Variants in YY1 observed in about 807,000 individuals in gnomAD.
The protein encoded by YY1 is transcriptional repressor protein YY1.
In YY1, 2 loss-of-function variants were observed where a neutral mutation model predicts 35.6. The ratio of observed to expected loss-of-function variants is 0.06; its 90% CI spans 0.02 to 0.18. YY1 has a LOEUF of 0.18. Among genes scored for constraint, YY1 ranks in the 10% least tolerant of loss-of-function variants. The pLI is 1.00. For synonymous variants in YY1, 268 were observed against 238.9 expected (o/e 1.12, Z -1.12); for missense variants, 322 against 573.4 (o/e 0.56, Z 4.48).
In YY1 at chr14:100,239,533, G is replaced by A. The variant is rs1314257490; in HGVS notation, c.289G>A (p.Val97Met). Residue 97 changes from valine (V) to methionine (M), a missense_variant, in exon 1 of 5, where the codon GTG becomes ATG. By Grantham distance (21) the Val-to-Met change is conservative. This residue lies in a region of YY1 where 137 missense variants were observed against 167.0 expected (regional missense o/e 0.82). Coordinates refer to ENST00000262238, the MANE Select transcript of YY1 (RefSeq NM_003403.5). ...GCTGGTCACCGACGACCCGACCCAG[G>A]TGCACCACCACCAGGAGGTGATCCT... is the stretch of plus-strand genomic sequence containing the variant. ...QPLVTDDPTQ[V>M]HHHQEVILVQ... 6.2e-7 allele frequency: 1 copy of A among 1,612,186 alleles called. No homozygotes were observed. The highest frequency in any genetic ancestry group is 1.3e-5 in the African/African-American group (1 of 74,956).
At chr14:100,260,082 G>C (rs947905008) in intron 1 of YY1, among the ~76,000 whole-genome samples, 4 of 151,732 alleles carry the variant, frequency 2.6e-5, no homozygotes, top group African/African-American at 9.7e-5. Context: ...GGTGTTTTTT[G>C]TTTGTTTGTT....
chr14:100,281,115 C>T lies in YY1; in HGVS notation c.*3515C>T, dbSNP rs957334946. 6.6e-6 allele frequency: 1 copy of T among 151,342 alleles called. No homozygotes were observed. 9.4% of individuals were successfully genotyped at this position (151,342 alleles called of 1,614,324 possible). A position where few individuals can be genotyped will look rare whatever the true frequency, so the allele number is the denominator to read the frequency against. On this transcript the variant is annotated 3_prime_UTR_variant, in exon 5 of 5. Coordinates refer to ENST00000262238, the MANE Select transcript of YY1 (RefSeq NM_003403.5). ...AAACCTGACAATTCTACCCACCTCC[C>T]CCCACCCCCGACTATAGGCAAAGAG...
chr14:100,241,409 A>C (rs1214052758), intron 1 of YY1, among the ~76,000 whole-genome samples: 1 of 152,192 alleles, frequency 6.6e-6, no homozygotes, highest in African/African-American at 2.4e-5. Flanking sequence ...TATCTGGTGA[A>C]AGCCTCAAGA....
chr14:100,270,122 G>A (rs935759638), intron 2 of YY1, among the ~76,000 whole-genome samples: 2 of 151,412 alleles, frequency 1.3e-5, no homozygotes, highest in Non-Finnish European at 2.9e-5. Flanking sequence ...AATTAGCCTG[G>A]TGTGGTGGCA....
chr14:100,241,292 T>G (rs1890737544), intron 1 of YY1, among the ~76,000 whole-genome samples: 2 of 152,114 alleles, frequency 1.3e-5, no homozygotes, highest in African/African-American at 4.8e-5. Flanking sequence ...TTCTCAGAAC[T>G]GAATGGAGAC....
chr14:100,241,983 G>C (rs972554831), intron 1 of YY1, among the ~76,000 whole-genome samples: 2 of 150,822 alleles, frequency 1.3e-5, no homozygotes, highest in African/African-American at 2.4e-5. Context: ...TCAAAAGGGG[G>C]GGGGGGGCAT....
At chr14:100,251,956 C>T (rs1006281753) in intron 1 of YY1, among the ~76,000 whole-genome samples, 6 of 152,056 alleles carry the variant, frequency 3.9e-5, no homozygotes, top group East Asian at 3.9e-4. Context: ...GGAAACCAGG[C>T]GAGGTTAAGA....
intron 2 of YY1, among the ~76,000 whole-genome samples, chr14:100,268,565 A>G (rs1391423173): frequency 5.9e-5 from 9 of 152,218 alleles, no homozygotes; most frequent in Admixed American, 5.9e-4. Context: ...GCTGTTCACT[A>G]CTTACCCTGA....
chr14:100,266,360 A>G (rs1891155154), intron 2 of YY1, among the ~76,000 whole-genome samples: 2 of 152,164 alleles, frequency 1.3e-5, no homozygotes, highest in Non-Finnish European at 1.5e-5. Flanking sequence ...TGGATTATAC[A>G]TTGTGAAGGA....
chr14:100,277,080 T>C lies in YY1; in HGVS notation c.1063-338T>C. ...GAACTAGCAGTGCAGCTAGTAAATC[T>C]AACGTGGTTCTTTTTTGACAACTGA... On this transcript the variant is annotated intron_variant, in intron 4 of 4. Coordinates refer to ENST00000262238, the MANE Select transcript of YY1 (RefSeq NM_003403.5). The surrounding 1 kb of genome is among the most constrained non-coding windows in gnomAD (Gnocchi z 5.6). 2.2e-6 allele frequency: 1 copy of C among 453,162 alleles called. No individual in the cohort carries two copies. Among genetic ancestry groups the C allele is most frequent in the South Asian group, 2.4e-5 (1 of 41,672 alleles). 28.1% of individuals were successfully genotyped at this position (453,162 alleles called of 1,614,324 possible). A position where few individuals can be genotyped will look rare whatever the true frequency, so the allele number is the denominator to read the frequency against.
At chr14:100,240,072 G>C in intron 1 of YY1, 149 bp downstream of exon 1, 1 of 544,254 alleles carries the variant, frequency 1.8e-6, no homozygotes, top group Non-Finnish European at 2.5e-6. Context: ...GCGGGGGCGC[G>C]GCGGCGGCGG....
intron 1 of YY1, among the ~76,000 whole-genome samples, chr14:100,254,802 TCA>T (rs1375922680): frequency 2.0e-5 from 3 of 149,694 alleles, no homozygotes; most frequent in African/African-American, 7.4e-5. Flanking sequence ...AGTCGAAGTC[TCA>T]CAGTGTCGCC....
intron 1 of YY1, among the ~76,000 whole-genome samples, chr14:100,246,101 G>C (rs1368438200): frequency 6.6e-6 from 1 of 152,188 alleles, no homozygotes; most frequent in East Asian, 1.9e-4. Flanking sequence ...TTTTAATTCG[G>C]AGCAGAAGTT....
chr14:100,254,816 G>A (rs191128463), intron 1 of YY1, among the ~76,000 whole-genome samples: 47 of 147,308 alleles, frequency 3.2e-4, no homozygotes, highest in African/African-American at 1.1e-3. Flanking sequence ...AGTGTCGCCC[G>A]GGCTAGAGTG....
intron 1 of YY1, among the ~76,000 whole-genome samples, chr14:100,243,026 G>A (rs1243622470): frequency 6.6e-6 from 1 of 152,142 alleles, no homozygotes; most frequent in East Asian, 1.9e-4. Flanking sequence ...CCTGTTTCTC[G>A]GACATGTGTT....
chr14:100,276,009 G>C lies in YY1; in HGVS notation c.904-481G>C. 5.6e-6 allele frequency: 1 copy of C among 177,288 alleles called. No individual in the cohort carries two copies. Among genetic ancestry groups the C allele is most frequent in the Non-Finnish European group, 1.2e-5 (1 of 82,714 alleles). 11.0% of individuals were successfully genotyped at this position (177,288 alleles called of 1,614,324 possible). On this transcript the variant is annotated intron_variant, in intron 3 of 4. Coordinates refer to ENST00000262238, the MANE Select transcript of YY1 (RefSeq NM_003403.5). This position sits in a 1 kb window ranked among gnomAD's most constrained non-coding sequence, Gnocchi z 4.1. ...GAAGGGGAAAGAGGCAAAGAGAGAA[G>C]AGGGAACAGTAGGCGATGGAGAATG... is the stretch of plus-strand genomic sequence containing the variant.
chr14:100,248,399 G>A (rs1890868496), intron 1 of YY1, among the ~76,000 whole-genome samples: 1 of 152,038 alleles, frequency 6.6e-6, no homozygotes, highest in Admixed American at 6.5e-5. Context: ...TGGGATTATA[G>A]GCATGAGCTA....
At chr14:100,249,095 G>A (rs1375339676) in intron 1 of YY1, among the ~76,000 whole-genome samples, 5 of 116,918 alleles carry the variant, frequency 4.3e-5, no homozygotes, top group African/African-American at 9.3e-5. Context: ...ACTCTTTCTC[G>A]TGTAATTTTT....
At chr14:100,274,675 GT>G (rs1202837016) in intron 2 of YY1, 22 bp from the exon 3 acceptor site, 1 of 1,607,176 alleles carries the variant, frequency 6.2e-7, no homozygotes, top group Non-Finnish European at 8.5e-7. Context: ...AAATCTGTCT[GT>G]CTCTCTTTTT....
Sources: allele counts gnomAD v4.1 joint callset (sites outside exome capture counted in the v4.1 genomes callset), GRCh38; gene constraint gnomAD v4.1.1; regional missense constraint gnomAD v4.1.1; non-coding constraint Gnocchi (gnomAD v3.1); transcripts MANE v1.5; gene names NCBI Gene and HGNC (gene_info 2026-07-23, HGNC 2026-07-21).